Variants in NTMT1 observed in about 807,000 individuals in gnomAD.
NTMT1 encodes N-terminal Xaa-Pro-Lys N-methyltransferase 1.
A neutral mutation model predicts 17.5 loss-of-function variants in NTMT1; 8 were observed. The observed-to-expected ratio is 0.46, with a 90% CI of 0.27 to 0.82. The LOEUF (loss-of-function observed/expected upper bound fraction) is 0.82. Among genes scored for constraint, NTMT1 ranks in the 40% least tolerant of loss-of-function variants. NTMT1 has a pLI of 0.15. For missense variants in NTMT1, 221 were observed against 303.5 expected (o/e 0.73, Z 2.02); for synonymous variants, 128 against 126.8 (o/e 1.01, Z -0.06).
At chr9:129,633,168 A>G in intron 2 of NTMT1, 1 of 468,854 alleles carries the variant, frequency 2.1e-6, no homozygotes, top group Non-Finnish European at 3.8e-6. Flanking sequence ...CTCTCCTGCC[A>G]TGTCCACGGG....
Position 129,635,624 on chromosome 9 carries a change from C to A in NTMT1, c.*160C>A. On this transcript the variant is annotated 3_prime_UTR_variant, in exon 4 of 4. Transcript: ENST00000372483. ...ATTATGCGGGCTCTTCTTCAAAAGGCAAGGTGGGACCCGGCGGGGAGGGTG... is the reference window on the plus strand; with the variant it reads ...ATTATGCGGGCTCTTCTTCAAAAGGAAAGGTGGGACCCGGCGGGGAGGGTG... The A allele has an allele frequency of 2.2e-6, 2 of 906,272 alleles. No individual in the cohort carries two copies. Among genetic ancestry groups the A allele is most frequent in the Non-Finnish European group, 3.4e-6 (2 of 595,434 alleles). The allele number at this position is 906,272 out of a possible 1,614,324, so 56.1% of individuals were successfully genotyped here.
intron 1 of NTMT1, among the ~76,000 whole-genome samples, chr9:129,609,377 C>T (rs1268081424): frequency 6.6e-6 from 1 of 152,150 alleles, no homozygotes; most frequent in African/African-American, 2.4e-5. Flanking sequence ...GGCTGCCACT[C>T]TCCCCTGCCC....
At chr9:129,630,746 G>T (rs1473739977) in intron 1 of NTMT1, among the ~76,000 whole-genome samples, 1 of 152,248 alleles carries the variant, frequency 6.6e-6, no homozygotes, top group Non-Finnish European at 1.5e-5. Context: ...TCCTCGTGTG[G>T]AGGCAGCACG....
Position 129,613,521 on chromosome 9 carries a change from T to C in NTMT1, c.-55+4343T>C. On this transcript the variant is annotated intron_variant, in intron 1 of 3. Coordinates refer to the NTMT1 transcript ENST00000372486. This position sits in a 1 kb window ranked among gnomAD's most constrained non-coding sequence, Gnocchi z 6.2. ...GGGCTTTGGGCAAACTCTCCAGCCG[T>C]TTTCCGACACTCCCAAACACCCGCT... is the stretch of plus-strand genomic sequence containing the variant. 6.2e-7 allele frequency: 1 copy of C among 1,614,092 alleles called. No homozygotes were observed. Among genetic ancestry groups the C allele is most frequent in the Non-Finnish European group, 8.5e-7 (1 of 1,180,008 alleles).
rs1588143996 is a variant in NTMT1 at position 129,634,151 on chromosome 9, T to C, written c.260T>C (p.Val87Ala). 6.2e-7 allele frequency: 1 copy of C among 1,613,842 alleles called. No individual in the cohort carries two copies. The highest frequency in any genetic ancestry group is 8.5e-7 in the Non-Finnish European group (1 of 1,180,000). ...CTGCTCCTGCCGCTGTTCAGAGAGGTGGATATGGTCGACATAACGGAGGAC... is the reference window on the plus strand; with the variant it reads ...CTGCTCCTGCCGCTGTTCAGAGAGGCGGATATGGTCGACATAACGGAGGAC... Reference protein sequence around the residue: ...KRLLLPLFREVDMVDITEDFL... With the variant: ...KRLLLPLFREADMVDITEDFL... The change falls in exon 3 of 4, where the codon GTG becomes GCG. Residue 87 changes from valine (V) to alanine (A), a missense_variant. Val to Ala is a moderately conservative substitution (Grantham distance 64, BLOSUM62 0). Coordinates refer to ENST00000372483, the MANE Select transcript of NTMT1 (RefSeq NM_014064.4).
chr9:129,622,652 C>A (rs1830768130), upstream of NTMT1, among the ~76,000 whole-genome samples: 1 of 152,016 alleles, frequency 6.6e-6, no homozygotes, highest in Non-Finnish European at 1.5e-5. Context: ...ACCATCTGTA[C>A]TTATATTAAG....
At position 129,635,370 on chromosome 9, in the gene NTMT1, T is replaced by G; in HGVS notation, c.578T>G (p.Ile193Ser). The G allele has an allele frequency of 6.2e-7, 1 of 1,613,744 alleles. No homozygotes were observed. Among genetic ancestry groups the G allele is most frequent in the Non-Finnish European group, 8.5e-7 (1 of 1,180,010 alleles). Residue 193 changes from isoleucine to serine, a missense_variant, in exon 4 of 4, where the codon ATC (isoleucine) becomes AGC (serine). By Grantham distance (142) the Ile-to-Ser change is moderately radical (BLOSUM62 -2). Coordinates refer to ENST00000372483, the MANE Select transcript of NTMT1 (RefSeq NM_014064.4). ...VCRDLDVVRR[I>S]ICSAGLSLLA... is the part of the protein sequence containing the mutation. ...CGGGACCTTGACGTGGTCCGCAGGA[T>G]CATCTGCAGTGCAGGCCTCAGCCTC...
chr9:129,612,133 C>T (rs1444214899), intron 1 of NTMT1: 3 of 540,432 alleles, frequency 5.6e-6, no homozygotes, highest in South Asian at 4.2e-5. Flanking sequence ...CAGGGATGCC[C>T]TGTCCCCACC....
intron 3 of NTMT1, chr9:129,634,896 TCACTC>T: frequency 2.7e-6 from 1 of 369,502 alleles, no homozygotes. Flanking sequence ...TAGCCCAGGT[TCACTC>T]CTCCGATCCA....
At chr9:129,633,951 G>C (rs902111109) in intron 2 of NTMT1, 103 bp from the exon 3 acceptor site, 7 of 1,363,556 alleles carry the variant, frequency 5.1e-6, no homozygotes, top group Non-Finnish European at 7.0e-6. Flanking sequence ...CTTGTGCGGA[G>C]TCCTGGAATC....
At chr9:129,612,767 T>C (rs1397533962) in intron 1 of NTMT1, among the ~76,000 whole-genome samples, 1 of 151,850 alleles carries the variant, frequency 6.6e-6, no homozygotes, top group Non-Finnish European at 1.5e-5. Flanking sequence ...ATTGCAGAGG[T>C]TGCAGTGAGC....
chr9:129,627,540 G>A (rs567312255), intron 1 of NTMT1, among the ~76,000 whole-genome samples: 1 of 152,160 alleles, frequency 6.6e-6, no homozygotes. Context: ...CTGTAAAGTC[G>A]GTATTACTGT....
At chr9:129,615,270 A>G (rs114400435) in intron 1 of NTMT1, among the ~76,000 whole-genome samples, 4 of 152,266 alleles carry the variant, frequency 2.6e-5, no homozygotes, top group East Asian at 3.9e-4. Flanking sequence ...CTGCGTTGGA[A>G]CACCTCCACT....
intron 1 of NTMT1, among the ~76,000 whole-genome samples, chr9:129,630,805 AG>A (rs1388000157): frequency 6.6e-6 from 1 of 152,206 alleles, no homozygotes; most frequent in African/African-American, 2.4e-5. Context: ...TTTTCCACCG[AG>A]GGTATTTTCC....
At chr9:129,619,493 C>CTCCA in intron 1 of NTMT1, 1 of 1,546,326 alleles carries the variant, frequency 6.5e-7, no homozygotes, top group Non-Finnish European at 8.9e-7. Flanking sequence ...CCTCCACTAC[C>CTCCA]CTACCCTTAT....
chr9:129,631,187 GGGA>G (rs1165867382), intron 1 of NTMT1, among the ~76,000 whole-genome samples: 4 of 152,230 alleles, frequency 2.6e-5, no homozygotes, highest in Non-Finnish European at 5.9e-5. Flanking sequence ...ATCTGCTGTT[GGGA>G]GGAGATTCCT....
chr9:129,625,150 G>A (rs181004568), upstream of NTMT1, among the ~76,000 whole-genome samples: 204 of 152,196 alleles, frequency 1.3e-3, 2 homozygotes, highest in Non-Finnish European at 1.7e-3. Context: ...ATGTTAACAG[G>A]CTCTACCCAC....
Position 129,620,054 on chromosome 9 carries a change from C to A in NTMT1, c.-55+10876C>A, listed in dbSNP as rs1564338916. The stretch of plus-strand genomic sequence containing the variant: ...TGACTCGGGCCCGCCCCCCGGGCCC[C>A]GCGGGGCCTCACTCAGTGGCTCCGG... On this transcript the variant is annotated intron_variant, in intron 1 of 3. Coordinates refer to the NTMT1 transcript ENST00000372486. This position sits in a 1 kb window ranked among gnomAD's most constrained non-coding sequence, Gnocchi z 5.8. 1 of 1,453,980 alleles carries A rather than the reference C, an allele frequency of 6.9e-7. No homozygotes were observed. 90.1% of individuals were successfully genotyped at this position (1,453,980 alleles called of 1,614,324 possible).
rs1258919299 is a variant in NTMT1 at position 129,628,583 on chromosome 9, A to G, written c.-55+2288A>G. ...AAATGGCTATAGCTGCACAAAGCCC[A>G]TTCTTGCATTATTTGGCAACCAGTT... On this transcript the variant is annotated intron_variant, in intron 1 of 3. Transcript: ENST00000372483. The G allele has an allele frequency of 3.3e-5, 5 of 152,246 alleles. No homozygotes were observed. The East Asian group carries it at 7.7e-4, about 23-fold the overall frequency. The allele number at this position is 152,246 out of a possible 1,614,324, so 9.4% of individuals were successfully genotyped here.
Sources: gnomAD v4.1 joint callset for allele counts (sites outside exome capture counted in the v4.1 genomes callset) on GRCh38, gnomAD v4.1.1 for gene constraint, Gnocchi (gnomAD v3.1) non-coding constraint, MANE v1.5 for transcripts, NCBI Gene and HGNC (gene_info 2026-07-23, HGNC 2026-07-21) for gene names.